The following TBL1XR1 variants were observed in gnomAD, a reference collection of about 807,000 sequenced individuals.
The protein encoded by TBL1XR1 is TBL1X/Y related 1, also known as F-box-like/WD repeat-containing protein TBL1XR1.
In TBL1XR1, 5 loss-of-function variants were observed where a neutral mutation model predicts 66.9. The observed-to-expected ratio is 0.07, with a 90% CI of 0.04 to 0.16. The LOEUF is 0.16. TBL1XR1 is among the 10% of genes least tolerant of loss of function. The probability of loss-of-function intolerance (pLI) is 1.00; values close to 1 mark genes in which losing one functional copy is unlikely to be tolerated. For missense variants in TBL1XR1, 238 were observed against 623.2 expected, an observed-to-expected ratio of 0.38 and a Z score of 6.58; for synonymous variants, 210 against 206.0, an observed-to-expected ratio of 1.02 and a Z score of -0.17.
upstream of TBL1XR1, among the ~76,000 whole-genome samples, chr3:177,201,414 CAA>C (rs557996871): frequency 0.086 from 3,522 of 40,808 alleles, 45 homozygotes; most frequent in African/African-American, 0.22. Flanking sequence ...GATTACATCT[CAA>C]AAAAAAAAAA....
intron 1 of TBL1XR1, among the ~76,000 whole-genome samples, chr3:177,189,240 A>G (rs1446156226): frequency 1.4e-5 from 2 of 138,164 alleles, no homozygotes; most frequent in African/African-American, 5.5e-5. Context: ...ATTTCAGGCC[A>G]GGTGTGGTGG....
intron 15 of TBL1XR1, chr3:177,025,863 G>C: frequency 3.1e-6 from 1 of 324,324 alleles, no homozygotes; most frequent in South Asian, 3.9e-5. Flanking sequence ...TTCAGCTACA[G>C]CATCAGTAAA....
Position 177,025,316 on chromosome 3 carries a change from A to G in TBL1XR1, c.*182T>C. 2.1e-6 allele frequency: 1 copy of G among 483,346 alleles called. No homozygotes were observed. The highest frequency in any genetic ancestry group is 3.6e-6 in the Non-Finnish European group (1 of 277,894). 29.9% of individuals were successfully genotyped at this position (483,346 alleles called of 1,614,324 possible). ...GTGAACAGAATTCACAAGCTGTGAC[A>G]AAACTCTGTCATCTTCAGGGTGCAA... is the stretch of plus-strand genomic sequence containing the variant. On this transcript the variant is annotated 3_prime_UTR_variant, in exon 16 of 16. Transcript: ENST00000457928.
At chr3:177,118,517 C>T (rs540631077) in intron 1 of TBL1XR1, among the ~76,000 whole-genome samples, 32 of 152,052 alleles carry the variant, frequency 2.1e-4, no homozygotes, top group Admixed American at 1.2e-3. Flanking sequence ...AAGCCCACAA[C>T]GGAAGGAAGA....
chr3:177,084,486 G>C (rs925172581), intron 2 of TBL1XR1, among the ~76,000 whole-genome samples: 1 of 152,256 alleles, frequency 6.6e-6, no homozygotes, highest in Non-Finnish European at 1.5e-5. Context: ...AGACATCGAT[G>C]CCTTGGTTCC....
intron 7 of TBL1XR1, 64 bp downstream of exon 7, chr3:177,049,933 G>A: frequency 1.3e-6 from 2 of 1,559,478 alleles, no homozygotes; most frequent in South Asian, 1.2e-5. Context: ...CCTGCCGTGA[G>A]TATGAGGCTC....
rs141682351 is a variant in TBL1XR1 at position 177,175,596 on chromosome 3, TCATAGGGTTAAAGAA to T, written c.-122+21510_-122+21524del. Among the ~76,000 whole-genome samples, 1,039 of 152,224 alleles carry T rather than the reference TCATAGGGTTAAAGAA, an allele frequency of 6.8e-3. 4 individuals carry two copies. Among genetic ancestry groups the T allele is most frequent in the Non-Finnish European group, 7.4e-3 (503 of 68,016 alleles). On this transcript the variant is annotated intron_variant, in intron 1 of 15. Transcript: ENST00000457928. ...TTAATTTTTTAAATTATATATGCAA[TCATAGGGTTAAAGAA>T]CATTAGGTCCAGAAAAAACCTCTCA... is the stretch of plus-strand genomic sequence containing the variant.
chr3:177,033,166 ATAAG>A, intron 13 of TBL1XR1, 30 bp from the exon 14 acceptor site: 2 of 1,494,356 alleles, frequency 1.3e-6, no homozygotes, highest in East Asian at 2.3e-5. Flanking sequence ...AAGTTAATTT[ATAAG>A]TAAGGAAATA....
intron 1 of TBL1XR1, among the ~76,000 whole-genome samples, chr3:177,182,766 G>C (rs1004442639): frequency 1.3e-5 from 2 of 152,204 alleles, no homozygotes; most frequent in African/African-American, 2.4e-5. Context: ...ACGGAAAGAA[G>C]CCTAATGCTT....
chr3:177,181,548 T>C (rs1330690309), intron 1 of TBL1XR1, among the ~76,000 whole-genome samples: 1 of 151,162 alleles, frequency 6.6e-6, no homozygotes, highest in Non-Finnish European at 1.5e-5. Context: ...AAATACAAGA[T>C]GTCCCCATGC....
At chr3:177,033,649 T>C (rs1330601330) in intron 13 of TBL1XR1, among the ~76,000 whole-genome samples, 1 of 152,092 alleles carries the variant, frequency 6.6e-6, no homozygotes, top group East Asian at 1.9e-4. Context: ...TAAAACTCAG[T>C]GTTTAAAGAT....
At chr3:177,046,240 A>C in intron 9 of TBL1XR1, 51 bp from the exon 10 acceptor site, 1 of 1,370,178 alleles carries the variant, frequency 7.3e-7, no homozygotes, top group Non-Finnish European at 1.0e-6. Flanking sequence ...AGTTTAACAT[A>C]CATGTGTAAA....
intron 1 of TBL1XR1, among the ~76,000 whole-genome samples, chr3:177,105,187 T>C (rs1008675964): frequency 6.6e-6 from 1 of 152,230 alleles, no homozygotes; most frequent in Non-Finnish European, 1.5e-5. Flanking sequence ...AGAGCATTAA[T>C]GTGTAACTAT....
chr3:177,051,099 G>A (rs28649009), intron 5 of TBL1XR1, among the ~76,000 whole-genome samples: 37,799 of 151,974 alleles, frequency 0.25, 5,130 homozygotes, highest in East Asian at 0.5. Context: ...AGGGTTTCTA[G>A]ATATTTTAAA....
At chr3:177,053,319 G>C (rs73881951) in intron 4 of TBL1XR1, among the ~76,000 whole-genome samples, 17,004 of 152,152 alleles carry the variant, frequency 0.11, 1,072 homozygotes, top group African/African-American at 0.14. Context: ...AAACAGGGAG[G>C]AGCATTTGGC....
chr3:177,150,166 G>A (rs1233502495), intron 1 of TBL1XR1, among the ~76,000 whole-genome samples: 2 of 152,104 alleles, frequency 1.3e-5, no homozygotes, highest in Admixed American at 6.5e-5. Flanking sequence ...TGTCAACCAA[G>A]AGCCAAATGC....
In TBL1XR1 at chr3:177,055,488, G is replaced by A. The variant is rs943667262; in HGVS notation, c.59-1570C>T. ...CCCATAAGCAAGATCATAATTAAAT[G>A]CATTTATAGTTTTCATAGTTTTCAC... is the stretch of plus-strand genomic sequence containing the variant. On this transcript the variant is annotated intron_variant, in intron 3 of 15. Transcript: ENST00000457928. Among the ~76,000 whole-genome samples, 7 of 127,604 alleles carry A rather than the reference G, an allele frequency of 5.5e-5. No homozygotes were observed. The Admixed American group carries it at 6.3e-4, about 12-fold the overall frequency. The allele number at this position is 127,604 out of a possible 152,430, so 83.7% of individuals were successfully genotyped here. A position where few individuals can be genotyped will look rare whatever the true frequency, so the allele number is the denominator to read the frequency against.
intron 1 of TBL1XR1, among the ~76,000 whole-genome samples, chr3:177,141,220 G>A (rs947306308): frequency 6.6e-6 from 1 of 152,090 alleles, no homozygotes; most frequent in African/African-American, 2.4e-5. Flanking sequence ...GGGGATGGGG[G>A]AAAAAGATCT....
Position 177,121,612 on chromosome 3 carries a change from G to C in TBL1XR1, c.-121-23071C>G, listed in dbSNP as rs561028024. Among the ~76,000 whole-genome samples, 6 of 152,252 alleles carry C rather than the reference G, an allele frequency of 3.9e-5. No individual in the cohort carries two copies. The South Asian group carries it at 1.2e-3, about 32-fold the overall frequency. ...TCTCTTTAAATACTAAACTCCCTGA[G>C]GGAAAAGGTCTTATCTGGTAATTAA... is the stretch of plus-strand genomic sequence containing the variant. On this transcript the variant is annotated intron_variant, in intron 1 of 15. Coordinates refer to ENST00000457928, the MANE Select transcript of TBL1XR1 (RefSeq NM_024665.7).
Sources: allele counts gnomAD v4.1 joint callset (sites outside exome capture counted in the v4.1 genomes callset), GRCh38; gene constraint gnomAD v4.1.1; transcripts MANE v1.5; gene names NCBI Gene and HGNC (gene_info 2026-07-23, HGNC 2026-07-21).